Variants in ASCC3 observed in about 807,000 individuals in gnomAD.
The protein encoded by ASCC3 is ASC-1 complex subunit P200.
In ASCC3, 158 loss-of-function variants were observed where a neutral mutation model predicts 256.3. The ratio of observed to expected loss-of-function variants is 0.62; its 90% CI spans 0.54 to 0.70. The LOEUF is 0.70. Among genes scored for constraint, ASCC3 ranks in the 30% least tolerant of loss-of-function variants. The pLI is 0.00. For synonymous variants in ASCC3, 948 were observed against 883.4 expected, an observed-to-expected ratio of 1.07 and a Z score of -1.30; for missense variants, 2,259 against 2,626.0, an observed-to-expected ratio of 0.86 and a Z score of 3.05.
chr6:100,757,096 C>T (rs550706617), intron 10 of ASCC3, among the ~76,000 whole-genome samples: 6 of 152,032 alleles, frequency 3.9e-5, no homozygotes, highest in Non-Finnish European at 7.4e-5. Flanking sequence ...AGTCCAATTT[C>T]AAAATTAAAA....
intron 8 of ASCC3, among the ~76,000 whole-genome samples, chr6:100,776,391 T>C (rs1233720491): frequency 2.0e-5 from 3 of 152,110 alleles, no homozygotes; most frequent in South Asian, 2.1e-4. Flanking sequence ...AAACATATCA[T>C]AATTAGCAGA....
chr6:100,770,016 T>C (rs1781844237), intron 8 of ASCC3, among the ~76,000 whole-genome samples: 1 of 151,634 alleles, frequency 6.6e-6, no homozygotes, highest in South Asian at 2.1e-4. Flanking sequence ...AAATTTAAGA[T>C]GGAAATAATA....
chr6:100,804,012 G>T (rs1047523334), intron 5 of ASCC3, among the ~76,000 whole-genome samples: 42 of 152,022 alleles, frequency 2.8e-4, no homozygotes, highest in Admixed American at 2.8e-3. Flanking sequence ...CCTGAGTTTC[G>T]CATCAGCTAT....
chr6:100,678,859 C>A (rs1349780516), intron 14 of ASCC3, among the ~76,000 whole-genome samples: 5 of 152,130 alleles, frequency 3.3e-5, no homozygotes, highest in Non-Finnish European at 1.5e-5. Context: ...TATGTTCTGA[C>A]AAAACTTTAA....
At chr6:100,512,939 A>C (rs781403326) in intron 39 of ASCC3, 21 bp from the exon 40 acceptor site, 3 of 1,602,134 alleles carry the variant, frequency 1.9e-6, no homozygotes, top group Non-Finnish European at 1.7e-6. Context: ...AGAGAAAAGA[A>C]ACAATAAAGG....
At chr6:100,819,162 T>G (rs1770915786) in intron 4 of ASCC3, among the ~76,000 whole-genome samples, 1 of 143,750 alleles carries the variant, frequency 7.0e-6, no homozygotes, top group Non-Finnish European at 1.5e-5. Context: ...TGGGAGCCTG[T>G]CGGGGGCTGG....
intron 4 of ASCC3, among the ~76,000 whole-genome samples, chr6:100,816,664 A>G (rs563158835): frequency 6.6e-6 from 1 of 152,294 alleles, no homozygotes; most frequent in South Asian, 2.1e-4. Flanking sequence ...AGAAAATCAA[A>G]TATTGCATGT....
chr6:100,662,338 C>G lies in ASCC3; in HGVS notation c.2478+7G>C. 1 of 1,611,468 alleles carries G rather than the reference C, an allele frequency of 6.2e-7. No homozygotes were observed. The highest frequency in any genetic ancestry group is 8.5e-7 in the Non-Finnish European group (1 of 1,178,262). ...AAATCCATTTATCAAGGAAGGTAAG[C>G]TCTTACCTTAATAATAACAGCATGG... On this transcript the variant is annotated splice_region_variant and intron_variant, in intron 15 of 41. Transcript: ENST00000369162.
chr6:100,611,401 T>A (rs1773390279), intron 30 of ASCC3, among the ~76,000 whole-genome samples: 1 of 152,062 alleles, frequency 6.6e-6, no homozygotes, highest in South Asian at 2.1e-4. Flanking sequence ...TATATACATC[T>A]TTGTTACTGT....
intron 10 of ASCC3, among the ~76,000 whole-genome samples, chr6:100,734,770 A>C (rs1780069564): frequency 6.6e-6 from 1 of 152,174 alleles, no homozygotes; most frequent in Non-Finnish European, 1.5e-5. Flanking sequence ...ATAAAATCAT[A>C]AGCAAGGTAG....
intron 4 of ASCC3, among the ~76,000 whole-genome samples, chr6:100,823,722 T>C (rs1419184102): frequency 3.3e-5 from 5 of 152,162 alleles, no homozygotes; most frequent in African/African-American, 1.2e-4. Flanking sequence ...GTTGTTGAGA[T>C]GCCAAAAAAA....
intron 1 of ASCC3, among the ~76,000 whole-genome samples, chr6:100,874,012 G>A (rs1054259696): frequency 6.6e-6 from 1 of 152,180 alleles, no homozygotes; most frequent in African/African-American, 2.4e-5. Context: ...TTTATTTGAT[G>A]TGTTTTCTTC....
intron 40 of ASCC3, among the ~76,000 whole-genome samples, chr6:100,510,630 A>C (rs1229885031): frequency 6.6e-6 from 1 of 152,198 alleles, no homozygotes; most frequent in East Asian, 1.9e-4. Context: ...AATAAAACTC[A>C]CATAAAAAAG....
At chr6:100,699,626 C>G (rs1374640786) in intron 13 of ASCC3, among the ~76,000 whole-genome samples, 1 of 152,058 alleles carries the variant, frequency 6.6e-6, no homozygotes, top group African/African-American at 2.4e-5. Flanking sequence ...TTGGTGGGTA[C>G]AGAAGAAGAC....
chr6:100,566,333 C>A (rs891566595), intron 36 of ASCC3, among the ~76,000 whole-genome samples: 2 of 152,132 alleles, frequency 1.3e-5, no homozygotes, highest in African/African-American at 4.8e-5. Context: ...TTGCCAGTTA[C>A]ACAAAGAGGT....
chr6:100,824,185 A>G (rs1028480408), intron 4 of ASCC3, among the ~76,000 whole-genome samples: 2 of 152,200 alleles, frequency 1.3e-5, no homozygotes, highest in Admixed American at 6.5e-5. Context: ...TATTATATCC[A>G]AGTAAAACAC....
At chr6:100,556,028 T>C (rs932405823) in intron 36 of ASCC3, among the ~76,000 whole-genome samples, 6 of 151,618 alleles carry the variant, frequency 4.0e-5, no homozygotes, top group Non-Finnish European at 8.8e-5. Context: ...CAAATAATCT[T>C]TCTAATTACC....
rs140466895 is a variant in ASCC3 at position 100,529,601 on chromosome 6, T to C, written c.5775+10562A>G. Among the ~76,000 whole-genome samples, 664 of 152,280 alleles carry C rather than the reference T, an allele frequency of 4.4e-3. 5 individuals carry two copies. The highest frequency in any genetic ancestry group is 0.015 in the African/African-American group (641 of 41,558). On this transcript the variant is annotated intron_variant, in intron 37 of 41. Coordinates refer to ENST00000369162, the MANE Select transcript of ASCC3 (RefSeq NM_006828.4). ...AAACAGGGATTAAAAATATTATTCA[T>C]GGTCTAATGGGAATTCTCGGTTAAA...
intron 10 of ASCC3, among the ~76,000 whole-genome samples, chr6:100,743,162 TC>T (rs1384215680): frequency 6.6e-6 from 1 of 152,120 alleles, no homozygotes; most frequent in Admixed American, 6.5e-5. Flanking sequence ...ATAACTCACT[TC>T]TTCCCTTGGC....
Sources: allele counts gnomAD v4.1 joint callset (sites outside exome capture counted in the v4.1 genomes callset), GRCh38; gene constraint gnomAD v4.1.1; transcripts MANE v1.5; gene names NCBI Gene and HGNC (gene_info 2026-07-23, HGNC 2026-07-21).